The following DLG2 variants were observed in gnomAD, a reference collection of about 807,000 sequenced individuals.
DLG2 encodes the protein disks large homolog 2.
In DLG2, 45 loss-of-function variants were observed where a neutral mutation model predicts 132.5. The ratio of observed to expected loss-of-function variants is 0.34; its 90% confidence interval spans 0.27 to 0.44. The LOEUF (loss-of-function observed/expected upper bound fraction) is 0.44, where lower values mean the gene tolerates loss of function less well. Ranked by LOEUF, DLG2 falls within the 20% of genes least tolerant of loss-of-function variation. The pLI, the probability that DLG2 is intolerant of heterozygous loss-of-function variation, is 1.00. For synonymous variants in DLG2, 424 were observed against 419.6 expected (o/e 1.01, Z -0.13); for missense variants, 1,045 against 1,196.9 (o/e 0.87, Z 1.87).
chr11:85,286,078 G>GAA, intron 3 of DLG2: 1 of 430,014 alleles, frequency 2.3e-6, no homozygotes, highest in South Asian at 1.7e-5. Flanking sequence ...AAGTCAACAG[G>GAA]AAAAAAAAAG....
At chr11:84,124,995 C>T (rs1460705203) in intron 9 of DLG2, among the ~76,000 whole-genome samples, 1 of 151,828 alleles carries the variant, frequency 6.6e-6, no homozygotes, top group Non-Finnish European at 1.5e-5. Flanking sequence ...AGATTACAGG[C>T]ATGTGCCACC....
In DLG2 at chr11:83,587,302, G is replaced by A. The variant is rs901911463; in HGVS notation, c.1941-45444C>T. 3.3e-5 allele frequency among the ~76,000 whole-genome samples: 5 copies of A among 151,154 alleles called. No individual in the cohort carries two copies. The South Asian group carries it at 6.3e-4, about 19-fold the overall frequency. On this transcript the variant is annotated intron_variant, in intron 19 of 27. Transcript: ENST00000376104. ...TTTTTTTAATTTGAGACAGGGTCTT[G>A]CTCTGTCACACAGGCTAGAGTACAA... is the stretch of plus-strand genomic sequence containing the variant.
rs76563361 is a variant in DLG2 at position 84,708,407 on chromosome 11, C to G, written c.358-173676G>C. On this transcript the variant is annotated intron_variant, in intron 6 of 27. Transcript: ENST00000376104. ...TACACAGCAAGCAAATACACAATCC[C>G]CATTTTTAGTCTCTTAAACCTTATG... 3.0e-3 allele frequency among the ~76,000 whole-genome samples: 449 copies of G among 151,970 alleles called. 2 individuals are homozygous for G. Among genetic ancestry groups the G allele is most frequent in the African/African-American group, 0.01 (432 of 41,520 alleles).
chr11:84,819,742 C>T (rs1598852619), intron 6 of DLG2, among the ~76,000 whole-genome samples: 1 of 151,904 alleles, frequency 6.6e-6, no homozygotes, highest in East Asian at 2.0e-4. Flanking sequence ...ACAGCACATG[C>T]CCAGATTTAG....
chr11:83,816,171 C>T (rs2048853135), intron 17 of DLG2, among the ~76,000 whole-genome samples: 6 of 152,116 alleles, frequency 3.9e-5, no homozygotes, highest in Admixed American at 3.9e-4. Context: ...TAGAGTCTAA[C>T]CAGTGTGGAG....
chr11:83,568,082 T>C (rs1015727937), intron 19 of DLG2, among the ~76,000 whole-genome samples: 1 of 152,118 alleles, frequency 6.6e-6, no homozygotes, highest in Non-Finnish European at 1.5e-5. Flanking sequence ...TGCAGTATGA[T>C]TGGCTTGGCA....
chr11:84,937,598 G>A (rs1459466186), intron 6 of DLG2, among the ~76,000 whole-genome samples: 1 of 152,090 alleles, frequency 6.6e-6, no homozygotes, highest in African/African-American at 2.4e-5. Context: ...AACTGAAGAT[G>A]GGGGAGAGGA....
intron 4 of DLG2, among the ~76,000 whole-genome samples, chr11:85,193,590 G>A (rs1309250230): frequency 6.6e-6 from 1 of 152,022 alleles, no homozygotes; most frequent in Admixed American, 6.6e-5. Flanking sequence ...GTGACTTGGT[G>A]TCTCATTCTA....
chr11:83,520,097 C>G (rs1301969779), intron 21 of DLG2, among the ~76,000 whole-genome samples: 3 of 152,300 alleles, frequency 2.0e-5, no homozygotes, highest in Non-Finnish European at 2.9e-5. Context: ...AGTGTTCAAA[C>G]AGGACGTGTT....
intron 6 of DLG2, among the ~76,000 whole-genome samples, chr11:84,730,985 T>C (rs556353689): frequency 4.6e-5 from 7 of 152,080 alleles, no homozygotes; most frequent in Non-Finnish European, 8.8e-5. Flanking sequence ...AAGTCCCTGA[T>C]GGTACCAAAT....
intron 10 of DLG2, among the ~76,000 whole-genome samples, chr11:84,089,958 A>C (rs117949554): frequency 0.01 from 1,558 of 152,316 alleles, 15 homozygotes; most frequent in Non-Finnish European, 0.017. Flanking sequence ...ATGATGACAT[A>C]TCAATATTGG....
At chr11:83,943,152 G>A (rs1387159979) in intron 14 of DLG2, among the ~76,000 whole-genome samples, 1 of 152,108 alleles carries the variant, frequency 6.6e-6, no homozygotes, top group Non-Finnish European at 1.5e-5. Context: ...TTTGTAGATT[G>A]CCCAGTCTTA....
At chr11:84,452,877 T>A (rs1011955567) in intron 7 of DLG2, among the ~76,000 whole-genome samples, 1 of 151,324 alleles carries the variant, frequency 6.6e-6, no homozygotes, top group African/African-American at 2.4e-5. Context: ...CAAGACCCCA[T>A]CTCCAAATAA....
intron 6 of DLG2, among the ~76,000 whole-genome samples, chr11:85,072,215 G>A (rs1197731028): frequency 6.6e-6 from 1 of 151,678 alleles, no homozygotes; most frequent in Non-Finnish European, 1.5e-5. Context: ...TGTGCCTAAG[G>A]CAGTCCTTGG....
chr11:84,363,591 T>G (rs1227696827), intron 7 of DLG2, among the ~76,000 whole-genome samples: 1 of 151,690 alleles, frequency 6.6e-6, no homozygotes, highest in Non-Finnish European at 1.5e-5. Context: ...TGCCCATGCC[T>G]ATGTCCTGAA....
chr11:83,865,852 A>G (rs1260277535), intron 16 of DLG2, among the ~76,000 whole-genome samples: 1 of 152,094 alleles, frequency 6.6e-6, no homozygotes, highest in East Asian at 1.9e-4. Flanking sequence ...CTTATTATAA[A>G]TTTCTAAATG....
chr11:85,210,495 A>G (rs913367868), intron 4 of DLG2, among the ~76,000 whole-genome samples: 2 of 152,162 alleles, frequency 1.3e-5, no homozygotes, highest in African/African-American at 4.8e-5. Flanking sequence ...CTCAGGTCAA[A>G]TTATCTAAAA....
intron 17 of DLG2, among the ~76,000 whole-genome samples, chr11:83,808,638 C>T (rs1000995802): frequency 1.8e-4 from 28 of 152,186 alleles, no homozygotes; most frequent in African/African-American, 6.8e-4. Flanking sequence ...ATTCTGCATT[C>T]TTTAAATCAT....
At chr11:85,165,025 G>C (rs1016375856) in intron 4 of DLG2, among the ~76,000 whole-genome samples, 3 of 152,124 alleles carry the variant, frequency 2.0e-5, no homozygotes, top group African/African-American at 7.2e-5. Context: ...GCTTCGATGA[G>C]CTCTCCAGGT....
Sources: allele counts gnomAD v4.1 joint callset (sites outside exome capture counted in the v4.1 genomes callset), GRCh38; gene constraint gnomAD v4.1.1; transcripts MANE v1.5; gene names NCBI Gene and HGNC (gene_info 2026-07-23, HGNC 2026-07-21).